The following DHX57 variants were observed in gnomAD, a reference collection of about 807,000 sequenced individuals.
DHX57 encodes the protein putative ATP-dependent RNA helicase DHX57.
DHX57 carries 105 observed loss-of-function variants against 156.2 expected under a neutral mutation model. The observed-to-expected ratio is 0.67, with a 90% CI of 0.57 to 0.79. DHX57 has a LOEUF of 0.79. Ranked by LOEUF, DHX57 falls within the 30% of genes least tolerant of loss-of-function variation. The pLI, the probability that DHX57 is intolerant of heterozygous loss-of-function variation, is 0.00. For missense variants in DHX57, 1,847 were observed against 1,661.9 expected (o/e 1.11, Z -1.94); for synonymous variants, 704 against 595.6 (o/e 1.18, Z -2.65).
In DHX57 at chr2:38,802,900, T is replaced by C; in HGVS notation, c.3832A>G (p.Ser1278Gly). Residue 1278 changes from serine (S) to glycine (G), a missense_variant, in exon 23 of 24, where the codon AGC becomes GGC. Transcript: ENST00000457308. ...SVNYQVRHFD[S>G]PYLLYHEKIK... ...TTCTCGTGGTACAACAGGTAGGGGC[T>C]GTCAAAGTGTCTCACCTGTAACAAA... 1 of 1,614,164 alleles carries C rather than the reference T, an allele frequency of 6.2e-7. No homozygotes were observed. The highest frequency in any genetic ancestry group is 8.5e-7 in the Non-Finnish European group (1 of 1,180,024).
chr2:38,850,045 C>T (rs1393278115), intron 9 of DHX57, among the ~76,000 whole-genome samples: 1 of 152,172 alleles, frequency 6.6e-6, no homozygotes, highest in African/African-American at 2.4e-5. Flanking sequence ...TTATTCACTA[C>T]TGCAGGATCT....
At chr2:38,833,705 C>G (rs1383264730) in intron 13 of DHX57, among the ~76,000 whole-genome samples, 1 of 152,120 alleles carries the variant, frequency 6.6e-6, no homozygotes, top group East Asian at 1.9e-4. Flanking sequence ...TTCAGTTGAT[C>G]CTTGAACAAC....
chr2:38,831,430 A>C (rs1052686231), intron 13 of DHX57, among the ~76,000 whole-genome samples: 2 of 151,726 alleles, frequency 1.3e-5, no homozygotes, highest in Non-Finnish European at 2.9e-5. Context: ...CCTGGGTTCA[A>C]GCGATTCTCC....
chr2:38,819,082 G>A lies in DHX57; in HGVS notation c.3354C>T (p.Asn1118=). 11 of 1,614,140 alleles carry A rather than the reference G, an allele frequency of 6.8e-6. No homozygotes were observed. Among genetic ancestry groups the A allele is most frequent in the Non-Finnish European group, 9.3e-6 (11 of 1,180,024 alleles). ...NQKKLEFAFA[N]SDYLALLQAY... is the part of the protein sequence containing the mutation. ...CTTGTAGAAGGGCCAGATAATCACT[G>A]TTTGCGAATGCAAATTCCAGCTTTT... is the stretch of plus-strand genomic sequence containing the variant. The change falls in exon 18 of 24, where the codon AAC becomes AAT. Residue 1118 remains asparagine, a synonymous_variant. Transcript: ENST00000457308.
chr2:38,834,419 T>TA (rs1406792629), intron 13 of DHX57, among the ~76,000 whole-genome samples: 4 of 152,020 alleles, frequency 2.6e-5, no homozygotes, highest in Non-Finnish European at 5.9e-5. Flanking sequence ...TAACTTTATT[T>TA]AAAAAATGAT....
At chr2:38,866,772 G>A (rs889780773) in intron 2 of DHX57, among the ~76,000 whole-genome samples, 2 of 152,222 alleles carry the variant, frequency 1.3e-5, no homozygotes, top group Non-Finnish European at 2.9e-5. Context: ...TCAGAAGTTA[G>A]GTTCTTGGCT....
At chr2:38,842,905 T>C in intron 12 of DHX57, 100 bp downstream of exon 12, 12 of 1,295,634 alleles carry the variant, frequency 9.3e-6, no homozygotes, top group Non-Finnish European at 1.3e-5. Flanking sequence ...GCAATGTAAC[T>C]ATGAAACAAG....
At chr2:38,836,346 A>G (rs545407863) in intron 13 of DHX57, among the ~76,000 whole-genome samples, 104 of 152,044 alleles carry the variant, frequency 6.8e-4, no homozygotes, top group African/African-American at 2.4e-3. Flanking sequence ...TCCTCAGCCT[A>G]CTGAATGTGA....
At chr2:38,809,542 AC>A (rs1238402452) in intron 21 of DHX57, among the ~76,000 whole-genome samples, 5 of 147,866 alleles carry the variant, frequency 3.4e-5, no homozygotes, top group Admixed American at 3.4e-4. Flanking sequence ...GCTCACTGCA[AC>A]CTCTGCCTCC....
chr2:38,848,829 G>C (rs1047121652), intron 9 of DHX57, among the ~76,000 whole-genome samples: 5 of 152,160 alleles, frequency 3.3e-5, no homozygotes, highest in African/African-American at 4.8e-5. Context: ...AAGGTGTCAG[G>C]TGTGGAATCT....
rs1357114852 is a variant in DHX57, at chr2:38,847,022, G to A, written c.2216C>T (p.Thr739Ile). The change falls in exon 11 of 24, where the codon ACA (threonine) becomes ATA (isoleucine). Residue 739 changes from threonine to isoleucine, a missense_variant. Transcript: ENST00000457308. ...QFFLEDAIAV[T>I]RYVLQDGSPY... is the part of the protein sequence containing the mutation. Reference sequence around the variant, plus strand: ...TCTTAATTAATATCTTCCTTACCTTGTCACAGCAATTGCATCTTCCAAAAA... The same window carrying A: ...TCTTAATTAATATCTTCCTTACCTTATCACAGCAATTGCATCTTCCAAAAA... 5 of 1,612,056 alleles carry A rather than the reference G, an allele frequency of 3.1e-6. No homozygotes were observed. Among genetic ancestry groups the A allele is most frequent in the Non-Finnish European group, 1.7e-6 (2 of 1,178,582 alleles).
intron 5 of DHX57, 112 bp downstream of exon 5, chr2:38,860,887 C>CT: frequency 2.8e-5 from 25 of 886,648 alleles, no homozygotes; most frequent in Admixed American, 1.6e-4. Context: ...GACTTAATGG[C>CT]TTGTTCAGCT....
At chr2:38,822,912 G>A in intron 17 of DHX57, 81 bp downstream of exon 17, 1 of 1,326,900 alleles carries the variant, frequency 7.5e-7, no homozygotes, top group Non-Finnish European at 9.8e-7. Context: ...GGGCTCACAT[G>A]CCCTTGATTT....
At chr2:38,801,335 G>C (rs867317719) in intron 23 of DHX57, among the ~76,000 whole-genome samples, 1 of 151,960 alleles carries the variant, frequency 6.6e-6, no homozygotes, top group Admixed American at 6.6e-5. Flanking sequence ...CGACCTCTTG[G>C]GCTTGAGCAA....
chr2:38,851,999 T>C (rs1482054117), intron 9 of DHX57, among the ~76,000 whole-genome samples: 2 of 152,152 alleles, frequency 1.3e-5, no homozygotes, highest in Non-Finnish European at 2.9e-5. Flanking sequence ...AGATTTCCAA[T>C]GTTTTCTGTA....
chr2:38,858,889 A>C (rs1242898599), intron 5 of DHX57, 53 bp from the exon 6 acceptor site: 1 of 1,550,248 alleles, frequency 6.5e-7, no homozygotes, highest in East Asian at 2.3e-5. Flanking sequence ...CTTTAACAAA[A>C]GGGGAAAGTC....
intron 1 of DHX57, among the ~76,000 whole-genome samples, chr2:38,868,870 C>G (rs1330419945): frequency 6.6e-6 from 1 of 152,026 alleles, no homozygotes; most frequent in Non-Finnish European, 1.5e-5. Flanking sequence ...CGGATGATCT[C>G]AGCTCACTGC....
intron 1 of DHX57, 102 bp from the exon 2 acceptor site, chr2:38,868,513 G>A (rs2124947832): frequency 8.5e-7 from 1 of 1,181,442 alleles, no homozygotes; most frequent in South Asian, 1.5e-5. Context: ...AAGAAACAAA[G>A]GAAAATGCAT....
At position 38,868,288 on chromosome 2, in the gene DHX57, C is replaced by T; in HGVS notation, c.118G>A (p.Gly40Ser). Residue 40 changes from glycine (G) to serine (S), a missense_variant, in exon 2 of 24, where the codon GGC (glycine) becomes AGC (serine). Transcript: ENST00000457308. ...ASKSHGSGGGGGGGGGGGGGN... is the reference protein window; with the variant it reads ...ASKSHGSGGGSGGGGGGGGGN... ...CCACCTCCACCACCACCACCACCGC[C>T]ACCGCCACCACTCCCATGAGATTTA... 6.2e-7 allele frequency: 1 copy of T among 1,614,084 alleles called. No homozygotes were observed. The highest frequency in any genetic ancestry group is 8.5e-7 in the Non-Finnish European group (1 of 1,180,032).
Sources: allele counts gnomAD v4.1 joint callset (sites outside exome capture counted in the v4.1 genomes callset), GRCh38; gene constraint gnomAD v4.1.1; transcripts MANE v1.5; gene names NCBI Gene and HGNC (gene_info 2026-07-23, HGNC 2026-07-21).